The following VCF1 variants were observed in gnomAD, a reference collection of about 807,000 sequenced individuals.
VCF1 encodes the protein VCP nuclear cofactor family member 1.
At chr17:73,227,661 A>G in the VCF1 span, 1 of 986,220 alleles carries the variant, frequency 1.0e-6, no homozygotes, top group African/African-American at 1.7e-5. Context: ...TCCATATGAC[A>G]ACATTTGATA....
chr17:73,215,462 C>T, the VCF1 span, among the ~76,000 whole-genome samples: 2 of 151,950 alleles, frequency 1.3e-5, no homozygotes, highest in Non-Finnish European at 2.9e-5. Context: ...TTTGTAGAGA[C>T]GAGGTCTCAC....
At chr17:73,209,340 C>T in the VCF1 span, 1 of 765,558 alleles carries the variant, frequency 1.3e-6, no homozygotes, top group East Asian at 2.7e-5. Context: ...TTCAAAGCCC[C>T]TTTGAAATTG....
At chr17:73,208,391 AGAC>A in the VCF1 span, 1 of 1,614,042 alleles carries the variant, frequency 6.2e-7, no homozygotes, top group African/African-American at 1.3e-5. Context: ...TCAGTGAAGA[AGAC>A]AACACGTCTG....
At chr17:73,226,326 C>A in the VCF1 span, among the ~76,000 whole-genome samples, 7 of 152,196 alleles carry the variant, frequency 4.6e-5, no homozygotes, top group Admixed American at 4.6e-4. Flanking sequence ...GATTTTTCCC[C>A]CTTGGGGGAG....
At chr17:73,230,954 T>C in the VCF1 span, among the ~76,000 whole-genome samples, 1 of 152,242 alleles carries the variant, frequency 6.6e-6, no homozygotes, top group Middle Eastern at 3.2e-3. Flanking sequence ...ATCGTAAGTA[T>C]AAACTGGGTT....
chr17:73,212,494 T>A, the VCF1 span, among the ~76,000 whole-genome samples: 1 of 100,374 alleles, frequency 1.0e-5, no homozygotes, highest in East Asian at 3.1e-4. Flanking sequence ...TGAAGTCAGA[T>A]AGCAGGATTT....
the VCF1 span, among the ~76,000 whole-genome samples, chr17:73,214,365 G>A: frequency 6.6e-6 from 1 of 150,724 alleles, no homozygotes; most frequent in South Asian, 2.1e-4. Context: ...ATATTGTTCT[G>A]TGAAGCTTTC....
At chr17:73,229,895 G>C in the VCF1 span, among the ~76,000 whole-genome samples, 30 of 82,906 alleles carry the variant, frequency 3.6e-4, no homozygotes, top group Admixed American at 1.2e-3. Flanking sequence ...AAAAAAAAAA[G>C]AGTATGGAAA....
chr17:73,209,266 C>T, the VCF1 span: 44 of 548,930 alleles, frequency 8.0e-5, no homozygotes, highest in East Asian at 1.2e-3. Flanking sequence ...AATGAGTTTT[C>T]CTCAAACCAC....
At chr17:73,224,028 G>A in the VCF1 span, among the ~76,000 whole-genome samples, 1 of 149,398 alleles carries the variant, frequency 6.7e-6, no homozygotes, top group Non-Finnish European at 1.5e-5. Flanking sequence ...GAAGAAGGGA[G>A]GGAGGGAGAA....
the VCF1 span, among the ~76,000 whole-genome samples, chr17:73,231,000 C>T: frequency 6.6e-6 from 1 of 152,120 alleles, no homozygotes; most frequent in Non-Finnish European, 1.5e-5. Context: ...GTCAGATTCA[C>T]TGTATCTAAA....
At chr17:73,222,455 GA>G in the VCF1 span, among the ~76,000 whole-genome samples, 1 of 151,992 alleles carries the variant, frequency 6.6e-6, no homozygotes, top group Non-Finnish European at 1.5e-5. Context: ...AAAAGAGAAG[GA>G]AAATTGTTCT....
At chr17:73,208,545 T>C in the VCF1 span, 1 of 1,444,988 alleles carries the variant, frequency 6.9e-7, no homozygotes, top group South Asian at 1.1e-5. Flanking sequence ...CACACCAATC[T>C]TTCCAGTTTC....
At chr17:73,207,984 T>G in the VCF1 span, 1 of 1,266,912 alleles carries the variant, frequency 7.9e-7, no homozygotes, top group Non-Finnish European at 1.0e-6. Context: ...AAGCATGGGC[T>G]ATGTTGCAGC....
At chr17:73,217,310 G>A in the VCF1 span, among the ~76,000 whole-genome samples, 18 of 151,630 alleles carry the variant, frequency 1.2e-4, no homozygotes, top group Admixed American at 5.3e-4. Context: ...CTGAGAATGT[G>A]CCACTGCACT....
the VCF1 span, chr17:73,209,897 G>A: frequency 7.3e-7 from 1 of 1,377,506 alleles, no homozygotes; most frequent in Admixed American, 2.4e-5. Flanking sequence ...GACATATACT[G>A]GGCTTTGGAA....
the VCF1 span, among the ~76,000 whole-genome samples, chr17:73,228,230 G>A: frequency 6.6e-6 from 1 of 152,190 alleles, no homozygotes; most frequent in African/African-American, 2.4e-5. Context: ...TATGTACATG[G>A]CAGCAGCACC....
At chr17:73,227,530 G>T in the VCF1 span, 1 of 732,648 alleles carries the variant, frequency 1.4e-6, no homozygotes, top group Non-Finnish European at 1.7e-6. Flanking sequence ...AATGTCTGTT[G>T]GGACTGAAAC....
At chr17:73,209,277 T>C in the VCF1 span, 1 of 567,986 alleles carries the variant, frequency 1.8e-6, no homozygotes, top group Non-Finnish European at 3.1e-6. Flanking sequence ...CTCAAACCAC[T>C]ACCTTGACAT....
Sources: allele counts gnomAD v4.1 joint callset (sites outside exome capture counted in the v4.1 genomes callset), GRCh38; gene constraint gnomAD v4.1.1; transcripts MANE v1.5; gene names NCBI Gene and HGNC (gene_info 2026-07-23, HGNC 2026-07-21).